Variants in NPAS3 observed in about 807,000 individuals in gnomAD.
The protein encoded by NPAS3 is neuronal PAS domain-containing protein 3.
In NPAS3, 14 loss-of-function variants were observed where a neutral mutation model predicts 73.1. That is an observed-to-expected ratio of 0.19 (90% CI 0.13 to 0.30). NPAS3 has a LOEUF of 0.30. Ranked by LOEUF, NPAS3 falls within the 10% of genes least tolerant of loss-of-function variation. The pLI, the probability that NPAS3 is intolerant of heterozygous loss-of-function variation, is 1.00. For missense variants in NPAS3, 1,096 were observed against 1,250.0 expected (o/e 0.88, Z 1.86); for synonymous variants, 620 against 541.5 (o/e 1.14, Z -2.01).
At chr14:33,776,030 A>G (rs1193456201) in intron 8 of NPAS3, among the ~76,000 whole-genome samples, 1 of 152,218 alleles carries the variant, frequency 6.6e-6, no homozygotes, top group Admixed American at 6.5e-5. Context: ...TCAAAAGCCC[A>G]TGTAGTTAGC....
At chr14:33,375,264 G>A (rs1345879569) in intron 4 of NPAS3, among the ~76,000 whole-genome samples, 1 of 152,298 alleles carries the variant, frequency 6.6e-6, no homozygotes, top group East Asian at 1.9e-4. Context: ...AAGAGAGAAA[G>A]TTAGTGAATA....
At chr14:33,128,253 T>C (rs2043503068) in intron 2 of NPAS3, among the ~76,000 whole-genome samples, 1 of 152,150 alleles carries the variant, frequency 6.6e-6, no homozygotes, top group Non-Finnish European at 1.5e-5. Flanking sequence ...AGTAATCAAA[T>C]TGGTTTATGT....
chr14:33,414,503 C>G (rs1295873519), intron 4 of NPAS3, among the ~76,000 whole-genome samples: 1 of 151,924 alleles, frequency 6.6e-6, no homozygotes, highest in Non-Finnish European at 1.5e-5. Flanking sequence ...ATTCCTATAC[C>G]AAGCATTTCT....
At chr14:33,215,144 A>T in intron 2 of NPAS3, 38 bp from the exon 3 acceptor site, 1 of 1,600,208 alleles carries the variant, frequency 6.2e-7, no homozygotes, top group Non-Finnish European at 8.5e-7. Flanking sequence ...ACAGAGTCAC[A>T]TATTCTAAAC....
At chr14:33,039,453 T>C (rs2040278715) in intron 1 of NPAS3, among the ~76,000 whole-genome samples, 1 of 152,054 alleles carries the variant, frequency 6.6e-6, no homozygotes, top group Non-Finnish European at 1.5e-5. Flanking sequence ...CCCCACCCCC[T>C]CTTGGACTGG....
intron 3 of NPAS3, among the ~76,000 whole-genome samples, chr14:33,315,482 T>C (rs2043172335): frequency 6.8e-6 from 1 of 146,304 alleles, no homozygotes; most frequent in Non-Finnish European, 1.5e-5. Context: ...GGAGGACGTT[T>C]TGCATGAGAT....
chr14:33,036,800 A>G (rs1481639371), intron 1 of NPAS3, among the ~76,000 whole-genome samples: 4 of 152,222 alleles, frequency 2.6e-5, no homozygotes, highest in Non-Finnish European at 4.4e-5. Context: ...TGATGTTTTC[A>G]GGTACCTGAG....
chr14:33,765,651 T>C (rs1472535143), intron 7 of NPAS3, among the ~76,000 whole-genome samples: 3 of 152,130 alleles, frequency 2.0e-5, no homozygotes, highest in Non-Finnish European at 4.4e-5. Context: ...TTCTACAGAG[T>C]AGGATTTTTT....
intron 4 of NPAS3, among the ~76,000 whole-genome samples, chr14:33,516,565 T>C (rs1361952160): frequency 6.6e-6 from 1 of 152,150 alleles, no homozygotes; most frequent in African/African-American, 2.4e-5. Flanking sequence ...GACCATCTAA[T>C]AGCTGCATGC....
At chr14:33,289,013 T>G (rs2041987885) in intron 3 of NPAS3, among the ~76,000 whole-genome samples, 1 of 152,140 alleles carries the variant, frequency 6.6e-6, no homozygotes, top group South Asian at 2.1e-4. Context: ...AGAATGCCAT[T>G]CATAAAGTGT....
At chr14:33,488,522 A>G (rs577093524) in intron 4 of NPAS3, among the ~76,000 whole-genome samples, 1 of 152,306 alleles carries the variant, frequency 6.6e-6, no homozygotes, top group East Asian at 1.9e-4. Context: ...CCCAAAATGA[A>G]CACATACCTT....
At chr14:33,352,011 G>A (rs1350728219) in intron 3 of NPAS3, among the ~76,000 whole-genome samples, 3 of 151,776 alleles carry the variant, frequency 2.0e-5, no homozygotes, top group African/African-American at 7.3e-5. Context: ...AAACCTGCAC[G>A]TTCTGCACAT....
chr14:32,999,672 A>G (rs900043095), intron 1 of NPAS3, among the ~76,000 whole-genome samples: 2 of 152,154 alleles, frequency 1.3e-5, no homozygotes. Flanking sequence ...TAATTTCAAC[A>G]TAAGCTTCTT....
chr14:33,234,953 G>T (rs556795874), intron 3 of NPAS3, among the ~76,000 whole-genome samples: 2 of 152,094 alleles, frequency 1.3e-5, no homozygotes, highest in South Asian at 4.1e-4. Flanking sequence ...GTCTGTAATG[G>T]CAAAGTAAAA....
intron 1 of NPAS3, among the ~76,000 whole-genome samples, chr14:33,000,579 A>G (rs1566450861): frequency 6.6e-6 from 1 of 152,252 alleles, no homozygotes; most frequent in Non-Finnish European, 1.5e-5. Flanking sequence ...GCGTAGGGCA[A>G]TATATGAGGC....
intron 6 of NPAS3, among the ~76,000 whole-genome samples, chr14:33,677,566 C>T (rs2059804013): frequency 6.6e-6 from 1 of 151,374 alleles, no homozygotes; most frequent in South Asian, 2.1e-4. Context: ...ACTTCGAAGA[C>T]AATAATTTGG....
At chr14:33,303,539 G>A (rs1052685753) in intron 3 of NPAS3, among the ~76,000 whole-genome samples, 2 of 151,928 alleles carry the variant, frequency 1.3e-5, no homozygotes, top group East Asian at 3.9e-4. Context: ...TTCATTTCTA[G>A]GTTATTTTCT....
chr14:33,739,368 T>C (rs760167781), intron 7 of NPAS3, among the ~76,000 whole-genome samples: 7 of 152,172 alleles, frequency 4.6e-5, no homozygotes, highest in Non-Finnish European at 8.8e-5. Context: ...CTTTATGATA[T>C]AAAGAATTCT....
At chr14:33,028,262 T>G (rs2039873923) in intron 1 of NPAS3, among the ~76,000 whole-genome samples, 1 of 152,216 alleles carries the variant, frequency 6.6e-6, no homozygotes, top group Non-Finnish European at 1.5e-5. Flanking sequence ...AACATTGAGA[T>G]CTTTTCTGTA....
Sources: allele counts gnomAD v4.1 joint callset (sites outside exome capture counted in the v4.1 genomes callset), GRCh38; gene constraint gnomAD v4.1.1; transcripts MANE v1.5; gene names NCBI Gene and HGNC (gene_info 2026-07-23, HGNC 2026-07-21).